Variants in CSMD1 observed in about 807,000 individuals in gnomAD.
CSMD1 encodes the protein CUB and Sushi multiple domains 1.
A neutral mutation model predicts 417.5 loss-of-function variants in CSMD1; 213 were observed. That is an observed-to-expected ratio of 0.51 (90% CI 0.46 to 0.57). The LOEUF is 0.57. Among genes scored for constraint, CSMD1 ranks in the 20% least tolerant of loss-of-function variants. CSMD1 has a pLI of 0.00. For missense variants in CSMD1, 6,923 were observed against 4,529.7 expected (o/e 1.53, Z -15.17); for synonymous variants, 2,862 against 1,736.8 (o/e 1.65, Z -16.11).
intron 3 of CSMD1, among the ~76,000 whole-genome samples, chr8:4,279,319 C>G (rs138139724): frequency 6.6e-6 from 1 of 152,166 alleles, no homozygotes; most frequent in South Asian, 2.1e-4. Flanking sequence ...AAGAAACACA[C>G]AGTCACACAC....
chr8:3,521,868 G>A (rs544053983), intron 10 of CSMD1, among the ~76,000 whole-genome samples: 1 of 152,090 alleles, frequency 6.6e-6, no homozygotes, highest in Non-Finnish European at 1.5e-5. Context: ...TAATACCGCG[G>A]AACAGTTTGA....
intron 5 of CSMD1, among the ~76,000 whole-genome samples, chr8:3,863,389 T>C (rs1585107275): frequency 7.5e-6 from 1 of 134,048 alleles, no homozygotes; most frequent in South Asian, 2.4e-4. Flanking sequence ...GCAATGATAC[T>C]CTGCTCAAAA....
intron 2 of CSMD1, among the ~76,000 whole-genome samples, chr8:4,491,396 G>T (rs973978279): frequency 6.6e-6 from 1 of 152,086 alleles, no homozygotes; most frequent in Non-Finnish European, 1.5e-5. Context: ...CCCTGGGTTT[G>T]CAATACAGTT....
intron 10 of CSMD1, among the ~76,000 whole-genome samples, chr8:3,499,103 G>T (rs559188691): frequency 2.0e-5 from 3 of 152,104 alleles, no homozygotes; most frequent in Non-Finnish European, 4.4e-5. Flanking sequence ...CTATACATCT[G>T]ACAAAACAAT....
intron 5 of CSMD1, among the ~76,000 whole-genome samples, chr8:3,817,350 G>T (rs916372276): frequency 1.6e-3 from 200 of 127,872 alleles, no homozygotes; most frequent in African/African-American, 5.6e-3. Context: ...GCGGGATCTT[G>T]GCTCACTGCA....
At chr8:3,812,379 T>C (rs1243680067) in intron 5 of CSMD1, among the ~76,000 whole-genome samples, 3 of 152,186 alleles carry the variant, frequency 2.0e-5, no homozygotes, top group Admixed American at 1.3e-4. Flanking sequence ...GGTAGTGAGA[T>C]ACTTAAATGC....
At chr8:3,879,412 C>G (rs10089350) in intron 5 of CSMD1, among the ~76,000 whole-genome samples, 140,607 of 152,200 alleles carry the variant, frequency 0.92, 65,033 homozygotes, top group Middle Eastern at 0.98. Flanking sequence ...GCCAATTAAT[C>G]TGGAGGAAAT....
At chr8:4,035,695 T>G (rs1475704549) in intron 3 of CSMD1, among the ~76,000 whole-genome samples, 1 of 152,246 alleles carries the variant, frequency 6.6e-6, no homozygotes, top group African/African-American at 2.4e-5. Flanking sequence ...GTGCAAGGTT[T>G]ATGTTTTCAG....
At chr8:3,379,251 CACAA>C (rs971829143) in intron 18 of CSMD1, among the ~76,000 whole-genome samples, 126 of 152,160 alleles carry the variant, frequency 8.3e-4, no homozygotes, top group African/African-American at 2.9e-3. Context: ...TAAGAGAGGA[CACAA>C]ACAAATAAAA....
At chr8:4,404,458 C>A (rs983908926) in intron 3 of CSMD1, among the ~76,000 whole-genome samples, 2 of 152,076 alleles carry the variant, frequency 1.3e-5, no homozygotes, top group African/African-American at 4.8e-5. Context: ...GTAATTTTTG[C>A]AAAGCCAAAC....
intron 50 of CSMD1, among the ~76,000 whole-genome samples, chr8:3,038,241 T>C (rs991452983): frequency 9.2e-5 from 14 of 152,160 alleles, no homozygotes; most frequent in African/African-American, 3.4e-4. Context: ...TACCAGCAAA[T>C]AGGCCTTTGA....
At chr8:3,964,849 T>A (rs71521893) in intron 5 of CSMD1, among the ~76,000 whole-genome samples, 1 of 152,174 alleles carries the variant, frequency 6.6e-6, no homozygotes, top group Non-Finnish European at 1.5e-5. Flanking sequence ...CTTAGTGGGG[T>A]TTCCACTTTT....
intron 1 of CSMD1, among the ~76,000 whole-genome samples, chr8:4,934,993 T>G (rs2117208524): frequency 6.6e-6 from 1 of 152,328 alleles, no homozygotes; most frequent in Admixed American, 6.5e-5. Context: ...TCTGTCTATA[T>G]TCATCATCTA....
At position 4,325,051 on chromosome 8, in the gene CSMD1, G is replaced by A. The variant is rs540922144; in HGVS notation, c.415+94902C>T. Among the ~76,000 whole-genome samples the A allele has an allele frequency of 2.0e-5, 3 of 152,272 alleles. No individual in the cohort carries two copies. In the East Asian group the frequency reaches 5.8e-4, roughly 29 times the overall value. ...GCACTGTGGCTCCTTAAAATGGCTT[G>A]TAGTTACGCATCCAGTGGAGCCAGG... is the stretch of plus-strand genomic sequence containing the variant. On this transcript the variant is annotated intron_variant, in intron 3 of 69. Coordinates refer to ENST00000635120, the MANE Select transcript of CSMD1 (RefSeq NM_033225.6).
chr8:3,113,793 C>T (rs897788325), intron 42 of CSMD1, among the ~76,000 whole-genome samples: 2 of 152,170 alleles, frequency 1.3e-5, no homozygotes, highest in African/African-American at 2.4e-5. Flanking sequence ...GGGGGGTTGG[C>T]ACACCTTGGC....
chr8:4,417,377 G>A (rs1008089032), intron 3 of CSMD1, among the ~76,000 whole-genome samples: 3 of 151,904 alleles, frequency 2.0e-5, no homozygotes, highest in Non-Finnish European at 2.9e-5. Context: ...TTGGTGTCCG[G>A]ATTATGTTTA....
intron 8 of CSMD1, among the ~76,000 whole-genome samples, 188 bp downstream of exon 8, chr8:3,616,522 C>A (rs1314516641): frequency 6.6e-6 from 1 of 152,040 alleles, no homozygotes; most frequent in Non-Finnish European, 1.5e-5. Context: ...TAATACAGAA[C>A]TTTTAACAGA....
chr8:4,286,005 G>C (rs969841875), intron 3 of CSMD1, among the ~76,000 whole-genome samples: 1 of 152,112 alleles, frequency 6.6e-6, no homozygotes, highest in Non-Finnish European at 1.5e-5. Context: ...ACAGCAAGCA[G>C]GTTTGTAAAA....
intron 6 of CSMD1, among the ~76,000 whole-genome samples, chr8:3,747,140 G>C (rs1335942375): frequency 6.6e-6 from 1 of 152,182 alleles, no homozygotes; most frequent in Non-Finnish European, 1.5e-5. Flanking sequence ...ATGAAGCCAA[G>C]AGCACAGCAG....
Sources: allele counts gnomAD v4.1 joint callset (sites outside exome capture counted in the v4.1 genomes callset), GRCh38; gene constraint gnomAD v4.1.1; transcripts MANE v1.5; gene names NCBI Gene and HGNC (gene_info 2026-07-23, HGNC 2026-07-21).